The following SYNDIG1 variants were observed in gnomAD, a reference collection of about 807,000 sequenced individuals.
SYNDIG1 encodes the protein synapse differentiation-inducing gene protein 1.
In SYNDIG1, 9 loss-of-function variants were observed where a neutral mutation model predicts 19.4. That is an observed-to-expected ratio of 0.46 (90% CI 0.28 to 0.81). SYNDIG1 has a LOEUF of 0.81. SYNDIG1 is among the 30% of genes least tolerant of loss of function. The probability of loss-of-function intolerance (pLI) is 0.12; values close to 1 mark genes in which losing one functional copy is unlikely to be tolerated. For missense variants in SYNDIG1, 311 were observed against 343.3 expected, an observed-to-expected ratio of 0.91 and a Z score of 0.74; for synonymous variants, 141 against 145.9, an observed-to-expected ratio of 0.97 and a Z score of 0.24.
chr20:24,486,873 G>A (rs1464585135), intron 1 of SYNDIG1, among the ~76,000 whole-genome samples: 2 of 152,074 alleles, frequency 1.3e-5, no homozygotes, highest in African/African-American at 4.8e-5. Flanking sequence ...TGTCCAGGAT[G>A]GTCTCGATCT....
chr20:24,527,217 G>A (rs957243287), intron 1 of SYNDIG1, among the ~76,000 whole-genome samples: 1 of 151,798 alleles, frequency 6.6e-6, no homozygotes, highest in African/African-American at 2.4e-5. Flanking sequence ...AGGCATTTGG[G>A]GTATTTTTCT....
chr20:24,556,082 T>C (rs1440349663), intron 2 of SYNDIG1, among the ~76,000 whole-genome samples: 1 of 152,182 alleles, frequency 6.6e-6, no homozygotes, highest in Non-Finnish European at 1.5e-5. Context: ...TCTCTTTTGA[T>C]CTTTGTTGGT....
chr20:24,515,313 T>C (rs915862631), intron 1 of SYNDIG1, among the ~76,000 whole-genome samples: 7 of 152,098 alleles, frequency 4.6e-5, no homozygotes, highest in Non-Finnish European at 8.8e-5. Context: ...CAAAAAACCC[T>C]TCAGAAAATC....
At chr20:24,645,841 A>G (rs1223920538) in intron 3 of SYNDIG1, among the ~76,000 whole-genome samples, 2 of 152,208 alleles carry the variant, frequency 1.3e-5, no homozygotes, top group Non-Finnish European at 2.9e-5. Flanking sequence ...CAAAATATTC[A>G]AATCTTGGTT....
intron 3 of SYNDIG1, among the ~76,000 whole-genome samples, chr20:24,653,460 C>T (rs2059493603): frequency 6.6e-6 from 1 of 152,150 alleles, no homozygotes; most frequent in East Asian, 1.9e-4. Context: ...TAGTGGCAGA[C>T]GTTTCTTAAT....
chr20:24,548,274 G>C (rs756346435), intron 2 of SYNDIG1, among the ~76,000 whole-genome samples: 5 of 152,150 alleles, frequency 3.3e-5, no homozygotes, highest in Non-Finnish European at 5.9e-5. Context: ...ACATTAGGGG[G>C]AAAAATGTGT....
chr20:24,619,353 C>A (rs1333995754), intron 3 of SYNDIG1, among the ~76,000 whole-genome samples: 1 of 152,230 alleles, frequency 6.6e-6, no homozygotes, highest in African/African-American at 2.4e-5. Context: ...CAGGGCCATT[C>A]CTCCTGGGCC....
At chr20:24,587,183 A>C (rs1046062321) in intron 3 of SYNDIG1, among the ~76,000 whole-genome samples, 3 of 152,240 alleles carry the variant, frequency 2.0e-5, no homozygotes, top group Admixed American at 6.5e-5. Flanking sequence ...GGGTGGGTGT[A>C]GGTGTTGCCT....
intron 1 of SYNDIG1, among the ~76,000 whole-genome samples, chr20:24,528,928 A>G (rs972526792): frequency 6.6e-6 from 1 of 152,226 alleles, no homozygotes; most frequent in African/African-American, 2.4e-5. Flanking sequence ...CTAAGTGTTC[A>G]ACTGTGTTTT....
chr20:24,588,337 A>G (rs1248958786), intron 3 of SYNDIG1, among the ~76,000 whole-genome samples: 1 of 152,222 alleles, frequency 6.6e-6, no homozygotes, highest in East Asian at 1.9e-4. Context: ...TGCTAATTCT[A>G]AAAATATGTT....
chr20:24,514,853 A>C (rs2056828168), intron 1 of SYNDIG1, among the ~76,000 whole-genome samples: 2 of 152,250 alleles, frequency 1.3e-5, no homozygotes, highest in African/African-American at 2.4e-5. Flanking sequence ...CACTTATTCC[A>C]AAATTGACCA....
chr20:24,500,479 TTTCTTTC>T (rs1268090601), intron 1 of SYNDIG1, among the ~76,000 whole-genome samples: 9 of 6,610 alleles, frequency 1.4e-3, no homozygotes, highest in Non-Finnish European at 7.6e-3. Context: ...GATTCTTTTC[TTTCTTTC>T]TTTCTTTCTT....
chr20:24,610,391 C>T (rs1276058515), intron 3 of SYNDIG1, among the ~76,000 whole-genome samples: 1 of 152,206 alleles, frequency 6.6e-6, no homozygotes, highest in South Asian at 2.1e-4. Flanking sequence ...GTCCACGCAA[C>T]GATTCCGGAT....
intron 3 of SYNDIG1, among the ~76,000 whole-genome samples, chr20:24,610,684 G>T (rs914776380): frequency 6.6e-6 from 1 of 152,222 alleles, no homozygotes; most frequent in African/African-American, 2.4e-5. Flanking sequence ...AAAGGGAGTT[G>T]CCCCAAGTTG....
chr20:24,523,781 T>C (rs910530238), intron 1 of SYNDIG1, among the ~76,000 whole-genome samples: 2 of 152,208 alleles, frequency 1.3e-5, no homozygotes, highest in East Asian at 3.8e-4. Context: ...ACCTGTGCCT[T>C]CCTCACAGCA....
At chr20:24,471,436 T>C (rs1481927861) in intron 1 of SYNDIG1, among the ~76,000 whole-genome samples, 1 of 151,870 alleles carries the variant, frequency 6.6e-6, no homozygotes, top group Non-Finnish European at 1.5e-5. Flanking sequence ...GTATGAGGCC[T>C]GTGGGCCCTG....
intron 1 of SYNDIG1, among the ~76,000 whole-genome samples, chr20:24,476,174 A>G (rs765065115): frequency 3.3e-5 from 5 of 152,252 alleles, no homozygotes; most frequent in African/African-American, 7.2e-5. Flanking sequence ...TGTGCATAGT[A>G]TCTTAACAGT....
chr20:24,524,250 C>T (rs1479815639), intron 1 of SYNDIG1, among the ~76,000 whole-genome samples: 3 of 152,192 alleles, frequency 2.0e-5, no homozygotes, highest in Non-Finnish European at 4.4e-5. Context: ...TCCTCTTGGC[C>T]ATCTGCGGGC....
At chr20:24,647,151 A>C (rs2059429606) in intron 3 of SYNDIG1, among the ~76,000 whole-genome samples, 1 of 152,154 alleles carries the variant, frequency 6.6e-6, no homozygotes. Flanking sequence ...CTTGCACCTG[A>C]CAGTCAGCAC....
Sources: gnomAD v4.1 joint callset for allele counts (sites outside exome capture counted in the v4.1 genomes callset) on GRCh38, gnomAD v4.1.1 for gene constraint, MANE v1.5 for transcripts, NCBI Gene and HGNC (gene_info 2026-07-23, HGNC 2026-07-21) for gene names.